Variants in RASA2 observed in about 807,000 individuals in gnomAD.
RASA2 encodes the protein ras GTPase-activating protein 2.
RASA2 carries 155 observed loss-of-function variants against 118.2 expected under a neutral mutation model. That is an observed-to-expected ratio of 1.31 (90% CI 1.15 to 1.50). The LOEUF is 1.50. Among genes scored for constraint, RASA2 ranks in the 40% most tolerant of loss-of-function variants. The pLI is 0.00. For missense variants in RASA2, 1,016 were observed against 1,009.6 expected (o/e 1.01, Z -0.09); for synonymous variants, 353 against 349.1 (o/e 1.01, Z -0.12).
chr3:141,607,212 A>G (rs1391685946), intron 19 of RASA2, among the ~76,000 whole-genome samples: 1 of 152,112 alleles, frequency 6.6e-6, no homozygotes, highest in Non-Finnish European at 1.5e-5. Flanking sequence ...TAGAAATATT[A>G]TTTTGAGGGT....
chr3:141,516,681 C>T lies in RASA2; in HGVS notation c.355+250C>T, dbSNP rs186894917. ...TGTTTTTATAATTCCTGATGGTTCC[C>T]TTTCCATGGTACTCATTATGCTTAT... On this transcript the variant is annotated intron_variant, in intron 3 of 23. Coordinates refer to ENST00000286364, the MANE Select transcript of RASA2 (RefSeq NM_006506.5). 1.7e-3 allele frequency among the ~76,000 whole-genome samples: 255 copies of T among 152,120 alleles called. 1 individual carries two copies. The highest frequency in any genetic ancestry group is 4.6e-3 in the Admixed American group (70 of 15,270).
intron 1 of RASA2, among the ~76,000 whole-genome samples, chr3:141,506,761 A>C (rs543224411): frequency 4.6e-5 from 7 of 152,156 alleles, no homozygotes; most frequent in African/African-American, 1.7e-4. Context: ...TAAAATACAA[A>C]GCAAATTAGT....
At chr3:141,535,018 A>G (rs2082308075) in intron 4 of RASA2, among the ~76,000 whole-genome samples, 1 of 152,134 alleles carries the variant, frequency 6.6e-6, no homozygotes, top group African/African-American at 2.4e-5. Context: ...ACCTTCTTTC[A>G]TTGTACTTCA....
chr3:141,554,317 C>T (rs2082617800), intron 6 of RASA2, among the ~76,000 whole-genome samples: 1 of 152,166 alleles, frequency 6.6e-6, no homozygotes, highest in Non-Finnish European at 1.5e-5. Context: ...TTCAGAATAA[C>T]AAGACAATTT....
At position 141,573,199 on chromosome 3, in the gene RASA2, G is replaced by A; in HGVS notation, c.1337G>A (p.Gly446Glu). Residue 446 changes from glycine to glutamate, a missense_variant, in exon 13 of 24, where the codon GGA becomes GAA. Transcript: ENST00000286364. ...CEIDPIKLKE[G>E]DNVENNKENL... ...ATCGATCCTATTAAATTGAAAGAGG[G>A]AGATAATGTAGAAAATAATAAGGTA... The A allele has an allele frequency of 6.5e-7, 1 of 1,539,356 alleles. No individual in the cohort carries two copies. Among genetic ancestry groups the A allele is most frequent in the Non-Finnish European group, 8.7e-7 (1 of 1,153,140 alleles).
intron 19 of RASA2, among the ~76,000 whole-genome samples, chr3:141,600,737 A>AT (rs1261104716): frequency 6.6e-6 from 1 of 152,180 alleles, no homozygotes; most frequent in Non-Finnish European, 1.5e-5. Flanking sequence ...ATCTCCCTGA[A>AT]TTCATCTCGA....
chr3:141,579,357 T>TA (rs979775158), intron 15 of RASA2: 1 of 152,164 alleles, frequency 6.6e-6, no homozygotes, highest in African/African-American at 2.4e-5. Context: ...TCTCAATTTT[T>TA]AAAAAAATGA....
At chr3:141,602,442 C>T (rs772693866) in intron 19 of RASA2, among the ~76,000 whole-genome samples, 1 of 152,176 alleles carries the variant, frequency 6.6e-6, no homozygotes, top group Non-Finnish European at 1.5e-5. Context: ...GGAGGCAGAA[C>T]TCAGGTAGTA....
intron 1 of RASA2, among the ~76,000 whole-genome samples, chr3:141,506,426 C>T (rs938523422): frequency 6.6e-6 from 1 of 152,194 alleles, no homozygotes; most frequent in African/African-American, 2.4e-5. Flanking sequence ...AACATTTCTT[C>T]CTTTCATTCA....
chr3:141,558,840 A>G, intron 7 of RASA2, 46 bp from the exon 8 acceptor site: 1 of 1,379,032 alleles, frequency 7.3e-7, no homozygotes, highest in East Asian at 2.5e-5. Flanking sequence ...TGTAGGAAAA[A>G]TGTATTTTTT....
At chr3:141,607,803 A>G (rs2083572043) in intron 20 of RASA2, 43 bp downstream of exon 20, 1 of 1,505,682 alleles carries the variant, frequency 6.6e-7, no homozygotes, top group Non-Finnish European at 8.9e-7. Flanking sequence ...TGAACTGCAT[A>G]TATTACTTAA....
chr3:141,515,956 A>G, intron 2 of RASA2, among the ~76,000 whole-genome samples: 1 of 150,800 alleles, frequency 6.6e-6, no homozygotes, highest in African/African-American at 2.4e-5. Context: ...AAAGACAAAA[A>G]AACCAAACAC....
At chr3:141,524,746 A>G (rs1277160353) in intron 3 of RASA2, among the ~76,000 whole-genome samples, 3 of 152,046 alleles carry the variant, frequency 2.0e-5, no homozygotes, top group African/African-American at 7.3e-5. Flanking sequence ...GCACACTGCC[A>G]CGCTCGGCTA....
intron 19 of RASA2, among the ~76,000 whole-genome samples, chr3:141,593,815 C>T (rs2083322107): frequency 6.6e-6 from 1 of 152,128 alleles, no homozygotes; most frequent in Non-Finnish European, 1.5e-5. Context: ...CCAACCCTCA[C>T]GATAATCACC....
At chr3:141,492,136 C>T (rs1203571233) in intron 1 of RASA2, among the ~76,000 whole-genome samples, 1 of 152,214 alleles carries the variant, frequency 6.6e-6, no homozygotes, top group Admixed American at 6.5e-5. Context: ...GGAGGTAAAC[C>T]TCAGTGAGTT....
intron 1 of RASA2, among the ~76,000 whole-genome samples, chr3:141,502,386 A>G (rs901922352): frequency 3.3e-5 from 5 of 152,124 alleles, no homozygotes; most frequent in East Asian, 1.9e-4. Context: ...CTTGTTGCCT[A>G]CTGAATAAAG....
intron 9 of RASA2, among the ~76,000 whole-genome samples, chr3:141,565,770 A>G (rs1161940462): frequency 1.3e-5 from 2 of 152,338 alleles, no homozygotes; most frequent in East Asian, 1.9e-4. Context: ...AGGACAGACT[A>G]AATACACTTC....
chr3:141,580,699 T>C (rs1194782855), intron 16 of RASA2, among the ~76,000 whole-genome samples: 2 of 152,086 alleles, frequency 1.3e-5, no homozygotes, highest in African/African-American at 4.8e-5. Context: ...GGAAGATGAC[T>C]TGAGGCCAGG....
chr3:141,607,403 C>G (rs73871841), intron 19 of RASA2, among the ~76,000 whole-genome samples: 1 of 151,744 alleles, frequency 6.6e-6, no homozygotes, highest in Non-Finnish European at 1.5e-5. Flanking sequence ...AACTTTCTTA[C>G]GTTCTACACA....
Sources: allele counts gnomAD v4.1 joint callset (sites outside exome capture counted in the v4.1 genomes callset), GRCh38; gene constraint gnomAD v4.1.1; transcripts MANE v1.5; gene names NCBI Gene and HGNC (gene_info 2026-07-23, HGNC 2026-07-21).